The following LRFN2 variants were observed in gnomAD, a reference collection of about 807,000 sequenced individuals.
LRFN2 encodes leucine-rich repeat and fibronectin type-III domain-containing protein 2.
A neutral mutation model predicts 37.3 loss-of-function variants in LRFN2; 18 were observed. The ratio of observed to expected loss-of-function variants is 0.48; its 90% CI spans 0.33 to 0.72. The LOEUF (loss-of-function observed/expected upper bound fraction) is 0.72, where lower values mean the gene tolerates loss of function less well. LRFN2 is among the 30% of genes least tolerant of loss of function. The pLI is 0.02. For missense variants in LRFN2, 1,006 were observed against 1,060.7 expected (o/e 0.95, Z 0.72); for synonymous variants, 556 against 466.6 (o/e 1.19, Z -2.47).
At chr6:40,548,350 A>G (rs1339564895) in intron 1 of LRFN2, among the ~76,000 whole-genome samples, 1 of 152,150 alleles carries the variant, frequency 6.6e-6, no homozygotes. Context: ...CAGAGGCAGA[A>G]GAATCACTTG....
chr6:40,561,753 T>A (rs1766999635), intron 1 of LRFN2, among the ~76,000 whole-genome samples: 2 of 152,064 alleles, frequency 1.3e-5, no homozygotes, highest in African/African-American at 4.8e-5. Flanking sequence ...TCCACACCTA[T>A]CCCTGGTGGG....
At chr6:40,431,415 C>G (rs190910514) in intron 2 of LRFN2, among the ~76,000 whole-genome samples, 14 of 152,318 alleles carry the variant, frequency 9.2e-5, no homozygotes, top group African/African-American at 3.4e-4. Context: ...GGGCTTAGAA[C>G]AGAACATTCA....
Position 40,432,929 on chromosome 6 carries a change from T to C in LRFN2, c.185A>G (p.Asn62Ser). 1 of 1,614,050 alleles carries C rather than the reference T, an allele frequency of 6.2e-7. No individual in the cohort carries two copies. Among genetic ancestry groups the C allele is most frequent in the Non-Finnish European group, 8.5e-7 (1 of 1,179,904 alleles). ...RRTVELRLGG[N>S]FIIHISRQDF... Reference sequence around the variant, plus strand: ...CTGGCGGCTGATGTGGATGATGAAGTTGCCGCCCAGGCGCAGCTCCACTGT... The same window carrying C: ...CTGGCGGCTGATGTGGATGATGAAGCTGCCGCCCAGGCGCAGCTCCACTGT... The change falls in exon 2 of 3, where the codon AAC becomes AGC. Residue 62 changes from asparagine (N) to serine (S), a missense_variant. Physicochemically the swap from Asn to Ser is conservative, Grantham distance 46. Around this residue, in one of 4 missense-constraint regions of LRFN2, gnomAD observed 185 missense variants for 254.9 expected, o/e 0.73. Transcript: ENST00000338305.
At chr6:40,564,452 G>T (rs1767053267) in intron 1 of LRFN2, among the ~76,000 whole-genome samples, 1 of 152,134 alleles carries the variant, frequency 6.6e-6, no homozygotes, top group Non-Finnish European at 1.5e-5. Context: ...GACACCCAAA[G>T]TTCATCTTTG....
chr6:40,435,780 C>T (rs11758270), intron 1 of LRFN2, among the ~76,000 whole-genome samples: 8 of 152,050 alleles, frequency 5.3e-5, no homozygotes, highest in African/African-American at 9.7e-5. Context: ...CCTTGTGATC[C>T]GCCCGTCTTG....
intron 1 of LRFN2, among the ~76,000 whole-genome samples, chr6:40,558,001 A>C (rs1044739942): frequency 6.6e-6 from 1 of 152,200 alleles, no homozygotes; most frequent in Non-Finnish European, 1.5e-5. Flanking sequence ...TCGCTTGTCC[A>C]CTTGCCTGAA....
Position 40,498,611 on chromosome 6 carries a change from A to G in LRFN2, c.-18-65480T>C, listed in dbSNP as rs747901474. On this transcript the variant is annotated intron_variant, in intron 1 of 2. Transcript: ENST00000338305. The stretch of plus-strand genomic sequence containing the variant: ...TCCAAGGACACTCGTTCTCACACAT[A>G]TGATCTCATGTGCTATGCACACACT... 5.0e-4 allele frequency among the ~76,000 whole-genome samples: 76 copies of G among 152,172 alleles called. 1 individual carries two copies. The highest frequency in any genetic ancestry group is 2.0e-3 in the Admixed American group (31 of 15,284).
intron 1 of LRFN2, among the ~76,000 whole-genome samples, chr6:40,514,306 G>GT (rs923841297): frequency 3.7e-4 from 56 of 151,964 alleles, no homozygotes; most frequent in Admixed American, 1.7e-3. Flanking sequence ...TGTTATATGA[G>GT]TTTTTTTTGT....
intron 2 of LRFN2, among the ~76,000 whole-genome samples, chr6:40,395,822 T>C (rs572110649): frequency 3.1e-4 from 47 of 152,254 alleles, no homozygotes; most frequent in African/African-American, 1.1e-3. Context: ...CCACCGTCAG[T>C]CTGCTCTGAA....
chr6:40,553,408 G>T (rs1378541441), intron 1 of LRFN2, among the ~76,000 whole-genome samples: 1 of 152,208 alleles, frequency 6.6e-6, no homozygotes, highest in Non-Finnish European at 1.5e-5. Flanking sequence ...TCACGTCAAA[G>T]GAAAGCTGGA....
intron 1 of LRFN2, among the ~76,000 whole-genome samples, chr6:40,477,960 C>T (rs1206044504): frequency 3.3e-5 from 5 of 152,192 alleles, no homozygotes; most frequent in Non-Finnish European, 7.3e-5. Context: ...CGCAGCAAAC[C>T]GTGAATATGG....
chr6:40,503,809 G>A (rs1285490644), intron 1 of LRFN2, among the ~76,000 whole-genome samples: 1 of 152,130 alleles, frequency 6.6e-6, no homozygotes, highest in Non-Finnish European at 1.5e-5. Context: ...AGAGTCAAAT[G>A]CTGCTGAGAA....
chr6:40,532,345 C>T (rs1483882068), intron 1 of LRFN2, among the ~76,000 whole-genome samples: 1 of 152,230 alleles, frequency 6.6e-6, no homozygotes, highest in Non-Finnish European at 1.5e-5. Context: ...ATAGTAATCA[C>T]ATGCCCCCTA....
intron 1 of LRFN2, among the ~76,000 whole-genome samples, chr6:40,528,099 C>T (rs771919516): frequency 2.0e-5 from 3 of 152,216 alleles, no homozygotes; most frequent in African/African-American, 4.8e-5. Flanking sequence ...GTTTCTTCCG[C>T]CAGAGTTTAA....
chr6:40,581,471 C>T (rs1452741179), intron 1 of LRFN2, among the ~76,000 whole-genome samples: 1 of 152,174 alleles, frequency 6.6e-6, no homozygotes, highest in African/African-American at 2.4e-5. Flanking sequence ...CTCTGACCAG[C>T]CATCAGTGCC....
At chr6:40,555,854 G>A (rs540008111) in intron 1 of LRFN2, among the ~76,000 whole-genome samples, 34 of 152,022 alleles carry the variant, frequency 2.2e-4, no homozygotes, top group East Asian at 3.9e-4. Flanking sequence ...TCCCCACACC[G>A]CTCTCTGACA....
At chr6:40,483,803 A>C (rs1314784038) in intron 1 of LRFN2, among the ~76,000 whole-genome samples, 1 of 152,094 alleles carries the variant, frequency 6.6e-6, no homozygotes, top group Non-Finnish European at 1.5e-5. Flanking sequence ...TTAGGCTTTG[A>C]GACAGGTTCT....
At chr6:40,559,553 G>A (rs1766954655) in intron 1 of LRFN2, among the ~76,000 whole-genome samples, 3 of 152,118 alleles carry the variant, frequency 2.0e-5, no homozygotes. Flanking sequence ...GCAGCGGAGG[G>A]AGGGAAGAGG....
intron 1 of LRFN2, among the ~76,000 whole-genome samples, chr6:40,488,714 G>T (rs990776768): frequency 7.9e-5 from 12 of 152,136 alleles, no homozygotes; most frequent in Admixed American, 4.6e-4. Flanking sequence ...AGGACTTAAG[G>T]CTTCCTCCCT....
Sources: allele counts gnomAD v4.1 joint callset (sites outside exome capture counted in the v4.1 genomes callset), GRCh38; gene constraint gnomAD v4.1.1; regional missense constraint gnomAD v4.1.1; transcripts MANE v1.5; gene names NCBI Gene and HGNC (gene_info 2026-07-23, HGNC 2026-07-21).